RYR3: variants seen among roughly 807,000 people sequenced by gnomAD.
RYR3 encodes the protein ryanodine receptor 3, also known as brain ryanodine receptor-calcium release channel.
A neutral mutation model predicts 584.3 loss-of-function variants in RYR3; 207 were observed. That is an observed-to-expected ratio of 0.35 (90% CI 0.32 to 0.40). The LOEUF is 0.40. RYR3 is among the 10% of genes least tolerant of loss of function. RYR3 has a pLI of 1.00. For synonymous variants in RYR3, 2,416 were observed against 2,248.5 expected, an observed-to-expected ratio of 1.07 and a Z score of -2.11; for missense variants, 5,616 against 6,089.2, an observed-to-expected ratio of 0.92 and a Z score of 2.59.
At chr15:33,333,693 G>C (rs1970631600) in intron 1 of RYR3, among the ~76,000 whole-genome samples, 1 of 152,080 alleles carries the variant, frequency 6.6e-6, no homozygotes, top group Non-Finnish European at 1.5e-5. Flanking sequence ...GTTCTGGCCG[G>C]GACAATCAGG....
chr15:33,574,427 C>T (rs1428330238), intron 12 of RYR3, among the ~76,000 whole-genome samples: 1 of 152,174 alleles, frequency 6.6e-6, no homozygotes, highest in East Asian at 1.9e-4. Context: ...ATCTCATGTA[C>T]TCATGGCATT....
chr15:33,616,151 T>TC (rs2060438288), intron 19 of RYR3, among the ~76,000 whole-genome samples: 1 of 152,182 alleles, frequency 6.6e-6, no homozygotes, highest in African/African-American at 2.4e-5. Flanking sequence ...TACACCTATT[T>TC]CACAAGCAAG....
intron 19 of RYR3, among the ~76,000 whole-genome samples, chr15:33,615,789 G>A (rs1043136867): frequency 2.0e-4 from 30 of 152,180 alleles, no homozygotes; most frequent in Non-Finnish European, 3.5e-4. Context: ...TGTGGAAAAC[G>A]GGGAGTGTTG....
At chr15:33,726,297 G>A (rs2068450534) in intron 45 of RYR3, 89 bp from the exon 46 acceptor site, 2 of 1,462,674 alleles carry the variant, frequency 1.4e-6, no homozygotes, top group African/African-American at 1.4e-5. Flanking sequence ...CTGCCCTTAA[G>A]CCGTTTTACT....
chr15:33,346,992 G>A (rs1057391711), intron 1 of RYR3, among the ~76,000 whole-genome samples: 2 of 152,278 alleles, frequency 1.3e-5, no homozygotes, highest in East Asian at 1.9e-4. Context: ...TGCATCTGGT[G>A]TTTTTCTCAT....
At chr15:33,776,921 G>T (rs2074030682) in intron 64 of RYR3, among the ~76,000 whole-genome samples, 1 of 152,246 alleles carries the variant, frequency 6.6e-6, no homozygotes, top group African/African-American at 2.4e-5. Flanking sequence ...ACACTGTCCA[G>T]TCTGTCACCA....
chr15:33,769,264 T>G, intron 62 of RYR3, 92 bp downstream of exon 62: 1 of 968,290 alleles, frequency 1.0e-6, no homozygotes. Flanking sequence ...GACAGATCGC[T>G]GCTGCCAGGC....
At chr15:33,333,856 C>CA (rs1970652055) in intron 1 of RYR3, among the ~76,000 whole-genome samples, 1 of 152,082 alleles carries the variant, frequency 6.6e-6, no homozygotes, top group Non-Finnish European at 1.5e-5. Flanking sequence ...TCTCAGGATA[C>CA]AAAAATCAAT....
At chr15:33,818,548 C>G (rs780498712) in intron 75 of RYR3, 30 bp from the exon 76 acceptor site, 1 of 1,537,912 alleles carries the variant, frequency 6.5e-7, no homozygotes, top group Admixed American at 1.7e-5. Context: ...TAAATTCATG[C>G]CTAAAACCTA....
intron 38 of RYR3, among the ~76,000 whole-genome samples, chr15:33,694,454 C>A (rs561408351): frequency 3.0e-4 from 45 of 152,198 alleles, no homozygotes; most frequent in African/African-American, 9.4e-4. Context: ...CCGTGTTAGC[C>A]AGGATAGTCT....
At chr15:33,843,097 A>G (rs2078478638) in intron 91 of RYR3, among the ~76,000 whole-genome samples, 1 of 152,116 alleles carries the variant, frequency 6.6e-6, no homozygotes, top group South Asian at 2.1e-4. Context: ...AGATGGGTGG[A>G]TCACGAGGTC....
At position 33,801,979 on chromosome 15, in the gene RYR3, A is replaced by G. The variant is rs1180358861; in HGVS notation, c.10011+18A>G. ...TGTCAAAAGTAAGTCCTTAGAAATC[A>G]ATTCCAAAAACTCTTCAACCCTAAC... On this transcript the variant is annotated intron_variant, in intron 69 of 103. Transcript: ENST00000634891. 5 of 1,459,220 alleles carry G rather than the reference A, an allele frequency of 3.4e-6. No homozygotes were observed. The highest frequency in any genetic ancestry group is 3.8e-6 in the Non-Finnish European group (4 of 1,040,490). 90.4% of individuals were successfully genotyped at this position (1,459,220 alleles called of 1,614,324 possible).
intron 42 of RYR3, among the ~76,000 whole-genome samples, chr15:33,703,096 G>A (rs145311537): frequency 1.3e-5 from 2 of 152,180 alleles, no homozygotes; most frequent in East Asian, 3.9e-4. Flanking sequence ...AGAATCATTG[G>A]CCAAGCTGCA....
chr15:33,800,696 G>A, intron 67 of RYR3, 74 bp from the exon 68 acceptor site: 1 of 1,043,598 alleles, frequency 9.6e-7, no homozygotes, highest in South Asian at 1.3e-5. Context: ...TCCAGTGCTG[G>A]TATAATTTTT....
At chr15:33,593,264 C>G (rs1202464991) in intron 16 of RYR3, among the ~76,000 whole-genome samples, 1 of 139,616 alleles carries the variant, frequency 7.2e-6, no homozygotes, top group Non-Finnish European at 1.6e-5. Context: ...CCCCACTTTT[C>G]TGTTTTTTTA....
intron 18 of RYR3, among the ~76,000 whole-genome samples, chr15:33,606,425 A>G (rs553308205): frequency 1.3e-5 from 2 of 152,342 alleles, no homozygotes; most frequent in African/African-American, 4.8e-5. Context: ...CTAAGGGAAT[A>G]AAGAACCCCC....
chr15:33,784,935 G>A (rs2074612085), intron 65 of RYR3, among the ~76,000 whole-genome samples: 1 of 152,106 alleles, frequency 6.6e-6, no homozygotes, highest in Non-Finnish European at 1.5e-5. Context: ...TAGCCTGTGT[G>A]TCCTTGTCTA....
intron 57 of RYR3, among the ~76,000 whole-genome samples, chr15:33,754,739 A>C (rs898918164): frequency 2.0e-5 from 3 of 148,694 alleles, no homozygotes; most frequent in Non-Finnish European, 4.4e-5. Context: ...GTTAACTTCT[A>C]AGATTCCATC....
chr15:33,708,624 T>C lies in RYR3; in HGVS notation c.6619+1570T>C, dbSNP rs535263535. Among the ~76,000 whole-genome samples the C allele has an allele frequency of 1.4e-4, 21 of 152,274 alleles. No homozygotes were observed. In the South Asian group the frequency reaches 4.4e-3, roughly 32 times the overall value. ...GCAAACTGGCCCATCAATAGAAATA[T>C]TTGTGGATTTCAGTTTAATGTTTGT... On this transcript the variant is annotated intron_variant, in intron 43 of 103. Coordinates refer to ENST00000634891, the MANE Select transcript of RYR3 (RefSeq NM_001036.6).
Sources: allele counts gnomAD v4.1 joint callset (sites outside exome capture counted in the v4.1 genomes callset), GRCh38; gene constraint gnomAD v4.1.1; transcripts MANE v1.5; gene names NCBI Gene and HGNC (gene_info 2026-07-23, HGNC 2026-07-21).